Variants in CRYBG1 observed in about 807,000 individuals in gnomAD.
CRYBG1 encodes the protein beta/gamma crystallin domain-containing protein 1.
A neutral mutation model predicts 189.2 loss-of-function variants in CRYBG1; 139 were observed. That is an observed-to-expected ratio of 0.73 (90% CI 0.64 to 0.85). The LOEUF is 0.85. Ranked by LOEUF, CRYBG1 falls within the 40% of genes least tolerant of loss-of-function variation. The pLI is 0.00. For missense variants in CRYBG1, 2,611 were observed against 2,675.8 expected (o/e 0.98, Z 0.53); for synonymous variants, 1,023 against 1,017.1 (o/e 1.01, Z -0.11).
chr6:106,439,285 A>G (rs1341731135), intron 1 of CRYBG1, among the ~76,000 whole-genome samples: 1 of 152,122 alleles, frequency 6.6e-6, no homozygotes. Context: ...AAATTTAATT[A>G]TCTCCTTTTT....
intron 1 of CRYBG1, among the ~76,000 whole-genome samples, chr6:106,431,469 G>GGTATATCCCAAAGGTATATA (rs1348012156): frequency 6.6e-6 from 1 of 151,922 alleles, no homozygotes; most frequent in African/African-American, 2.4e-5. Flanking sequence ...TTTGGGACAA[G>GGTATATCCCAAAGGTATATA]CCTGCTCAAG....
At chr6:106,539,607 G>A (rs1249256242) in intron 9 of CRYBG1, 78 bp downstream of exon 9, 1 of 1,480,452 alleles carries the variant, frequency 6.8e-7, no homozygotes, top group Non-Finnish European at 9.1e-7. Context: ...TGACTTTGAA[G>A]CAATAAAGCT....
At chr6:106,533,095 G>A (rs575676880) in intron 8 of CRYBG1, among the ~76,000 whole-genome samples, 1 of 152,292 alleles carries the variant, frequency 6.6e-6, no homozygotes, top group East Asian at 1.9e-4. Context: ...AAGGCTACAA[G>A]AAACATAAAT....
chr6:106,548,682 T>C (rs1387037068), intron 13 of CRYBG1, among the ~76,000 whole-genome samples: 1 of 152,172 alleles, frequency 6.6e-6, no homozygotes, highest in Non-Finnish European at 1.5e-5. Flanking sequence ...GCTCTACTTC[T>C]TTAATTGTTC....
rs139700742 is a variant in CRYBG1 at position 106,425,454 on chromosome 6, G to C, written c.174-26240G>C. ...TGCAGTTAACTCCCTTCAGTGTAGGGTTTTTGGTCCATTATCATCATGCCT... is the reference window on the plus strand; with the variant it reads ...TGCAGTTAACTCCCTTCAGTGTAGGCTTTTTGGTCCATTATCATCATGCCT... On this transcript the variant is annotated intron_variant, in intron 1 of 21. Coordinates refer to ENST00000633556, the MANE Select transcript of CRYBG1 (RefSeq NM_001371242.2). Among the ~76,000 whole-genome samples, 167 of 152,158 alleles carry C rather than the reference G, an allele frequency of 1.1e-3. 1 individual carries two copies. The highest frequency in any genetic ancestry group is 3.8e-3 in the African/African-American group (156 of 41,478).
chr6:106,428,163 T>C (rs532280028), intron 1 of CRYBG1, among the ~76,000 whole-genome samples: 3 of 152,346 alleles, frequency 2.0e-5, no homozygotes, highest in African/African-American at 7.2e-5. Context: ...TCTGTGTCTC[T>C]CTCATTCAGA....
intron 1 of CRYBG1, among the ~76,000 whole-genome samples, chr6:106,415,072 G>T (rs1442814374): frequency 6.6e-6 from 1 of 152,028 alleles, no homozygotes; most frequent in Non-Finnish European, 1.5e-5. Context: ...GATTTTACCT[G>T]CTCCTACAAT....
Position 106,570,758 on chromosome 6 carries a change from T to A in CRYBG1, c.*2192T>A, listed in dbSNP as rs1182914510. ...GGTATTTACACCTGGAAAATCAGAT[T>A]TTTTTTTCTTTTGCAATAACTCGGT... On this transcript the variant is annotated 3_prime_UTR_variant, in exon 22 of 22. Coordinates refer to ENST00000633556, the MANE Select transcript of CRYBG1 (RefSeq NM_001371242.2). 1.3e-5 allele frequency: 2 copies of A among 152,062 alleles called. No homozygotes were observed. Among genetic ancestry groups the A allele is most frequent in the African/African-American group, 4.8e-5 (2 of 41,406 alleles). 9.4% of individuals were successfully genotyped at this position (152,062 alleles called of 1,614,324 possible).
chr6:106,461,480 C>T (rs1772007053), intron 2 of CRYBG1, among the ~76,000 whole-genome samples: 1 of 152,174 alleles, frequency 6.6e-6, no homozygotes, highest in South Asian at 2.1e-4. Context: ...ACTTGTGTTT[C>T]TGAGGCCATT....
chr6:106,388,143 G>T (rs568021229), intron 1 of CRYBG1, among the ~76,000 whole-genome samples: 2 of 152,136 alleles, frequency 1.3e-5, no homozygotes, highest in East Asian at 3.8e-4. Context: ...CTTGTGCTAC[G>T]AATCCTTTTC....
chr6:106,572,012 A>G lies in CRYBG1; in HGVS notation c.*3446A>G, dbSNP rs1164468328. On this transcript the variant is annotated 3_prime_UTR_variant, in exon 22 of 22. Coordinates refer to ENST00000633556, the MANE Select transcript of CRYBG1 (RefSeq NM_001371242.2). ...CATTTTTATTTAAACAACATTAATT[A>G]CAGTCTTTCCTCGTGCGTGTCCTCT... 1 of 1,611,388 alleles carries G rather than the reference A, an allele frequency of 6.2e-7. No individual in the cohort carries two copies. Among genetic ancestry groups the G allele is most frequent in the Non-Finnish European group, 8.5e-7 (1 of 1,177,656 alleles).
chr6:106,514,430 T>C (rs945409048), intron 3 of CRYBG1, among the ~76,000 whole-genome samples: 7 of 152,186 alleles, frequency 4.6e-5, no homozygotes, highest in African/African-American at 1.2e-4. Context: ...GGGAGAACTC[T>C]GAGAACTCTG....
chr6:106,501,720 G>C (rs1051431560), intron 2 of CRYBG1, among the ~76,000 whole-genome samples: 1 of 152,210 alleles, frequency 6.6e-6, no homozygotes, highest in Non-Finnish European at 1.5e-5. Context: ...GTATTCCTGA[G>C]TTCTGATCAT....
Position 106,561,332 on chromosome 6 carries a change from T to C in CRYBG1, c.5980-10T>C, listed in dbSNP as rs1774712265. The C allele has an allele frequency of 6.2e-7, 1 of 1,613,016 alleles. No individual in the cohort carries two copies. The highest frequency in any genetic ancestry group is 8.5e-7 in the Non-Finnish European group (1 of 1,179,466). On this transcript the variant is annotated splice_polypyrimidine_tract_variant and intron_variant, in intron 19 of 21. Transcript: ENST00000633556. ...CTGGTATAACAACTGCTGGGGGTTTTGTCTTCTAGAAGCGAATTTATTTCA... is the reference window on the plus strand; with the variant it reads ...CTGGTATAACAACTGCTGGGGGTTTCGTCTTCTAGAAGCGAATTTATTTCA...
intron 2 of CRYBG1, among the ~76,000 whole-genome samples, chr6:106,467,110 G>A (rs997358379): frequency 2.0e-5 from 3 of 152,138 alleles, no homozygotes; most frequent in African/African-American, 4.8e-5. Flanking sequence ...AGCAAAAGTG[G>A]ATAGAACAAA....
At chr6:106,366,205 G>T (rs1440136793) in intron 1 of CRYBG1, among the ~76,000 whole-genome samples, 1 of 152,052 alleles carries the variant, frequency 6.6e-6, no homozygotes, top group Non-Finnish European at 1.5e-5. Flanking sequence ...ACTCTAAACA[G>T]GTTTAATTAT....
intron 2 of CRYBG1, among the ~76,000 whole-genome samples, chr6:106,495,118 C>T (rs1332032064): frequency 6.6e-6 from 1 of 152,178 alleles, no homozygotes; most frequent in Non-Finnish European, 1.5e-5. Flanking sequence ...AAGGGCACAC[C>T]TCTTTAACAC....
intron 1 of CRYBG1, among the ~76,000 whole-genome samples, chr6:106,423,924 C>T (rs544577553): frequency 2.0e-5 from 3 of 151,868 alleles, no homozygotes; most frequent in Admixed American, 6.6e-5. Context: ...AGGCTGGTCT[C>T]GAACTCCTGG....
intron 2 of CRYBG1, among the ~76,000 whole-genome samples, chr6:106,474,906 G>A (rs1032360855): frequency 2.0e-5 from 3 of 152,176 alleles, no homozygotes; most frequent in Non-Finnish European, 2.9e-5. Flanking sequence ...CATATGGTAT[G>A]TGAGCTTCCA....
Sources: gnomAD v4.1 joint callset for allele counts (sites outside exome capture counted in the v4.1 genomes callset) on GRCh38, gnomAD v4.1.1 for gene constraint, MANE v1.5 for transcripts, NCBI Gene and HGNC (gene_info 2026-07-23, HGNC 2026-07-21) for gene names.